Variants in ZNF837 observed in about 807,000 individuals in gnomAD.
ZNF837 encodes zinc finger protein 837.
For missense variants in ZNF837, 955 were observed against 801.7 expected (o/e 1.19, Z -2.31); for synonymous variants, 475 against 365.2 (o/e 1.30, Z -3.43).
rs559668092 is a variant in ZNF837 at position 58,369,636 on chromosome 19, A to G, written c.-30+183T>C. On this transcript the variant is annotated intron_variant, in intron 2 of 2. Coordinates refer to ENST00000597582, the MANE Select transcript of ZNF837 (RefSeq NM_138466.2). ...CTCCTAAAACACTGTGCCCCTGGCTAAGGCCCTCCCTGGTCCCCCTTCCCC... is the reference window on the plus strand; with the variant it reads ...CTCCTAAAACACTGTGCCCCTGGCTGAGGCCCTCCCTGGTCCCCCTTCCCC... 2.5e-4 allele frequency: 71 copies of G among 279,514 alleles called. 1 individual carries two copies. In the East Asian group the frequency reaches 3.6e-3, roughly 14 times the overall value. 17.3% of individuals were successfully genotyped at this position (279,514 alleles called of 1,614,324 possible). A position where few individuals can be genotyped will look rare whatever the true frequency, so the allele number is the denominator to read the frequency against.
chr19:58,373,170 C>T (rs1244561125), intron 1 of ZNF837, among the ~76,000 whole-genome samples: 1 of 152,196 alleles, frequency 6.6e-6, no homozygotes, highest in Admixed American at 6.5e-5. Context: ...CCTGAGACTT[C>T]CCGGAGCCAG....
chr19:58,372,675 C>T (rs1167450983), intron 1 of ZNF837, among the ~76,000 whole-genome samples: 1 of 152,228 alleles, frequency 6.6e-6, no homozygotes, highest in Non-Finnish European at 1.5e-5. Flanking sequence ...CTGCAGTTCT[C>T]CAAAGGAAGC....
At chr19:58,371,024 G>A (rs966433288) in intron 1 of ZNF837, among the ~76,000 whole-genome samples, 2 of 152,000 alleles carry the variant, frequency 1.3e-5, no homozygotes, top group Admixed American at 6.6e-5. Flanking sequence ...GGCAGATCAC[G>A]AGGTCAGGAG....
chr19:58,367,865 GGCTGCAGTTGCGCACGAAGGCCTT>G lies in ZNF837; in HGVS notation c.1444_1467del (p.Lys482_Ser489del), dbSNP rs755635726. ...GTGTGCGTGCGCAGGTGGCGCACCA[GGCTGCAGTTGCGCACGAAGGCCTT>G]GCCGCAGTCGCGGCAGATGTAGGGC... is the stretch of plus-strand genomic sequence containing the variant. On this transcript the variant is annotated inframe_deletion, in exon 3 of 3. Coordinates refer to ENST00000597582, the MANE Select transcript of ZNF837 (RefSeq NM_138466.2). The G allele has an allele frequency of 1.3e-6, 2 of 1,535,906 alleles. No homozygotes were observed. Among genetic ancestry groups the G allele is most frequent in the South Asian group, 1.2e-5 (1 of 83,860 alleles).
Position 58,369,030 on chromosome 19 carries a change from C to T in ZNF837, c.303G>A (p.Glu101=), listed in dbSNP as rs1283853717. ...CTTGCAGCCCCTCGGGGATAACCAG[C>T]TCAGGGTTCTGAGAAGAGGTGGGGC... The part of the protein sequence containing the change: ...PCGPTSSQNP[E]LVIPEGLQAR... Residue 101 remains glutamate, a synonymous_variant, in exon 3 of 3, where the codon GAG becomes GAA. Transcript: ENST00000597582. 6.6e-7 allele frequency: 1 copy of T among 1,514,282 alleles called. No individual in the cohort carries two copies. The highest frequency in any genetic ancestry group is 1.4e-5 in the African/African-American group (1 of 71,846). The allele number at this position is 1,514,282 out of a possible 1,614,324, so 93.8% of individuals were successfully genotyped here.
Position 58,368,739 on chromosome 19 carries a change from C to T in ZNF837, c.594G>A (p.Arg198=), listed in dbSNP as rs1374900294. Residue 198 remains arginine (R), a synonymous_variant, in exon 3 of 3, where the codon CGG becomes CGA. Coordinates refer to ENST00000597582, the MANE Select transcript of ZNF837 (RefSeq NM_138466.2). ...CAAAGGCCTCGCCGCACGCGCAAGC[C>T]CGGGGCTGCTCCACCAAGGGGTTCC... ...RGRNPLVEQP[R]ACACGEAFAW... 47 of 1,538,252 alleles carry T rather than the reference C, an allele frequency of 3.1e-5. No homozygotes were observed. Among genetic ancestry groups the T allele is most frequent in the Non-Finnish European group, 3.6e-5 (41 of 1,146,546 alleles).
At chr19:58,373,346 G>T (rs2052217056) in intron 1 of ZNF837, among the ~76,000 whole-genome samples, 1 of 152,224 alleles carries the variant, frequency 6.6e-6, no homozygotes, top group African/African-American at 2.4e-5. Flanking sequence ...GGGACTCAAG[G>T]AGGCATGCTT....
At chr19:58,379,817 C>A (rs998600425) in intron 1 of ZNF837, among the ~76,000 whole-genome samples, 1 of 152,140 alleles carries the variant, frequency 6.6e-6, no homozygotes, top group Non-Finnish European at 1.5e-5. Context: ...ACAATGAGGT[C>A]TTATTTGCCC....
At chr19:58,372,771 G>A (rs1374101892) in intron 1 of ZNF837, among the ~76,000 whole-genome samples, 4 of 152,174 alleles carry the variant, frequency 2.6e-5, no homozygotes, top group Non-Finnish European at 5.9e-5. Flanking sequence ...AGCACTCTGG[G>A]GATGAATGTT....
intron 1 of ZNF837, among the ~76,000 whole-genome samples, chr19:58,378,471 C>G (rs190933870): frequency 6.6e-6 from 1 of 152,298 alleles, no homozygotes; most frequent in African/African-American, 2.4e-5. Flanking sequence ...GACCAGCACT[C>G]AGCATGACTT....
chr19:58,379,077 T>C (rs1599928350), intron 1 of ZNF837, among the ~76,000 whole-genome samples: 1 of 152,206 alleles, frequency 6.6e-6, no homozygotes, highest in Admixed American at 6.5e-5. Flanking sequence ...TAGAGACTGG[T>C]CTAGCACCCT....
chr19:58,374,198 A>G (rs1042980021), intron 1 of ZNF837, among the ~76,000 whole-genome samples: 1 of 152,234 alleles, frequency 6.6e-6, no homozygotes, highest in Admixed American at 6.5e-5. Context: ...TATCCACCCA[A>G]GAGAAATGAA....
intron 1 of ZNF837, among the ~76,000 whole-genome samples, chr19:58,376,685 A>G (rs2052250889): frequency 1.3e-5 from 2 of 152,142 alleles, no homozygotes; most frequent in Admixed American, 1.3e-4. Flanking sequence ...AGCCAAGTCA[A>G]CTGCATACCA....
chr19:58,368,339 G>C lies in ZNF837; in HGVS notation c.994C>G (p.Leu332Val). The change falls in exon 3 of 3, where the codon CTG (leucine) becomes GTG (valine). Residue 332 changes from leucine to valine, a missense_variant. By Grantham distance (32) the Leu-to-Val change is conservative (BLOSUM62 1). Coordinates refer to ENST00000597582, the MANE Select transcript of ZNF837 (RefSeq NM_138466.2). ...SAERHRRGPV[L>V]ARRAFRLGCP... Reference sequence around the variant, plus strand: ...CCCAGCCGGAAGGCGCGCCGCGCCAGGACGGGGCCACGCCGGTGGCGCTCG... The same window carrying C: ...CCCAGCCGGAAGGCGCGCCGCGCCACGACGGGGCCACGCCGGTGGCGCTCG... 2 of 1,521,696 alleles carry C rather than the reference G, an allele frequency of 1.3e-6. No homozygotes were observed. Among genetic ancestry groups the C allele is most frequent in the Non-Finnish European group, 1.8e-6 (2 of 1,140,162 alleles). The allele number at this position is 1,521,696 out of a possible 1,614,324, so 94.3% of individuals were successfully genotyped here. A position where few individuals can be genotyped will look rare whatever the true frequency, so the allele number is the denominator to read the frequency against.
intron 1 of ZNF837, among the ~76,000 whole-genome samples, chr19:58,380,224 G>A (rs2052279006): frequency 1.3e-5 from 2 of 152,192 alleles, no homozygotes; most frequent in Non-Finnish European, 1.5e-5. Flanking sequence ...ATCATGCACT[G>A]TACAGCAGAA....
Position 58,367,626 on chromosome 19 carries a change from A to T in ZNF837, c.*111T>A. 2.2e-6 allele frequency: 3 copies of T among 1,368,384 alleles called. No individual in the cohort carries two copies. Among genetic ancestry groups the T allele is most frequent in the Non-Finnish European group, 2.9e-6 (3 of 1,044,524 alleles). The allele number at this position is 1,368,384 out of a possible 1,614,324, so 84.8% of individuals were successfully genotyped here. ...GGGGAAGCCTGTGGACGCCATGTGTACAAAGTGAAGTTTAATCAAAGTTAC... is the reference window on the plus strand; with the variant it reads ...GGGGAAGCCTGTGGACGCCATGTGTTCAAAGTGAAGTTTAATCAAAGTTAC... On this transcript the variant is annotated 3_prime_UTR_variant, in exon 3 of 3. Transcript: ENST00000597582.
Position 58,367,794 on chromosome 19 carries a change from G to A in ZNF837, c.1539C>T (p.Ser513=). The change falls in exon 3 of 3, where the codon AGC becomes AGT. Residue 513 remains serine (S), a synonymous_variant. Coordinates refer to ENST00000597582, the MANE Select transcript of ZNF837 (RefSeq NM_138466.2). Reference sequence around the variant, plus strand: ...GGTGCTCGTTGAGGTTGGAGCGTTGGCTGAAGGCGCGGCCGCAATCTCCGC... The same window carrying A: ...GGTGCTCGTTGAGGTTGGAGCGTTGACTGAAGGCGCGGCCGCAATCTCCGC... The part of the protein sequence containing the change: ...YACGDCGRAF[S]QRSNLNEHRK... 6.5e-7 allele frequency: 1 copy of A among 1,536,242 alleles called. No homozygotes were observed. Among genetic ancestry groups the A allele is most frequent in the Non-Finnish European group, 8.7e-7 (1 of 1,145,938 alleles).
At position 58,367,995 on chromosome 19, in the gene ZNF837, G is replaced by T. The variant is rs752807538; in HGVS notation, c.1338C>A (p.Pro446=). 2 of 1,532,848 alleles carry T rather than the reference G, an allele frequency of 1.3e-6. No individual in the cohort carries two copies. Among genetic ancestry groups the T allele is most frequent in the African/African-American group, 1.4e-5 (1 of 72,774 alleles). The allele number at this position is 1,532,848 out of a possible 1,614,324, so 95.0% of individuals were successfully genotyped here. A position where few individuals can be genotyped will look rare whatever the true frequency, so the allele number is the denominator to read the frequency against. Reference sequence around the variant, plus strand: ...TCTTTCCGCACTCGGAGCAGCCATAGGGCCGCTCGCCGGTGTGCGCGCGCT... The same window carrying T: ...TCTTTCCGCACTCGGAGCAGCCATATGGCCGCTCGCCGGTGTGCGCGCGCT... ...QHQRAHTGER[P]YGCSECGKTF... The change falls in exon 3 of 3, where the codon CCC becomes CCA. Residue 446 remains proline, a synonymous_variant. Coordinates refer to ENST00000597582, the MANE Select transcript of ZNF837 (RefSeq NM_138466.2).
chr19:58,376,001 C>A (rs1386165297), intron 1 of ZNF837, among the ~76,000 whole-genome samples: 2 of 151,994 alleles, frequency 1.3e-5, no homozygotes, highest in Non-Finnish European at 2.9e-5. Context: ...TCACTGCAAC[C>A]TCTGCCTCCC....
Sources: allele counts gnomAD v4.1 joint callset (sites outside exome capture counted in the v4.1 genomes callset), GRCh38; gene constraint gnomAD v4.1.1; transcripts MANE v1.5; gene names NCBI Gene and HGNC (gene_info 2026-07-23, HGNC 2026-07-21).